The following COL26A1 variants were observed in gnomAD, a reference collection of about 807,000 sequenced individuals.
COL26A1 encodes collagen type XXVI alpha 1 chain.
A neutral mutation model predicts 59.3 loss-of-function variants in COL26A1; 41 were observed. The ratio of observed to expected loss-of-function variants is 0.69; its 90% confidence interval spans 0.54 to 0.90. The LOEUF is 0.90. Ranked by LOEUF, COL26A1 falls within the 40% of genes least tolerant of loss-of-function variation. The pLI is 0.00. For synonymous variants in COL26A1, 266 were observed against 256.0 expected (o/e 1.04, Z -0.37); for missense variants, 612 against 602.3 (o/e 1.02, Z -0.17).
At chr7:101,466,005 A>G (rs574527882) in intron 3 of COL26A1, among the ~76,000 whole-genome samples, 1 of 152,256 alleles carries the variant, frequency 6.6e-6, no homozygotes, top group Admixed American at 6.5e-5. Flanking sequence ...GCCCTGACTG[A>G]GATGACTCAG....
intron 4 of COL26A1, among the ~76,000 whole-genome samples, chr7:101,539,378 C>G (rs1199319605): frequency 2.0e-5 from 3 of 151,328 alleles, no homozygotes; most frequent in African/African-American, 4.9e-5. Flanking sequence ...TGGTCTCGAT[C>G]TGTCACCCAG....
intron 8 of COL26A1, among the ~76,000 whole-genome samples, chr7:101,548,189 G>C (rs1016790611): frequency 6.6e-6 from 1 of 152,162 alleles, no homozygotes; most frequent in Non-Finnish European, 1.5e-5. Context: ...TTGTCCCCTG[G>C]AGTGCCTGTC....
chr7:101,475,599 C>T (rs1448218768), intron 3 of COL26A1, among the ~76,000 whole-genome samples: 3 of 151,682 alleles, frequency 2.0e-5, no homozygotes, highest in South Asian at 2.1e-4. Context: ...ACGGGCTGGA[C>T]GCGAGTGTGT....
intron 7 of COL26A1, 82 bp from the exon 8 acceptor site, chr7:101,547,074 C>T (rs1795750992): frequency 2.2e-5 from 22 of 988,122 alleles, no homozygotes; most frequent in South Asian, 3.2e-5. Context: ...TGGCCTGGCT[C>T]AGGGCTCAGT....
chr7:101,493,932 CAA>C (rs35060753), intron 3 of COL26A1, among the ~76,000 whole-genome samples: 6,468 of 120,126 alleles, frequency 0.054, 477 homozygotes, highest in African/African-American at 0.17. Context: ...GACTCTGTCT[CAA>C]AAAAAAAAAA....
chr7:101,373,810 G>C (rs981450125), intron 1 of COL26A1, among the ~76,000 whole-genome samples: 1 of 152,108 alleles, frequency 6.6e-6, no homozygotes, highest in Non-Finnish European at 1.5e-5. Context: ...CAAGCTCCAG[G>C]ATTTTCTGAA....
At chr7:101,446,046 C>CAAAAAAAAAAAAAAAAAAAAAAAAAA (rs60343304) in intron 2 of COL26A1, among the ~76,000 whole-genome samples, 1 of 50,996 alleles carries the variant, frequency 2.0e-5, no homozygotes, top group Non-Finnish European at 3.8e-5. Flanking sequence ...GACTCCGTCT[C>CAAAAAAAAAAAAAAAAAAAAAAAAAA]AAAAAAAAAA....
At chr7:101,384,297 C>G (rs544428358) in intron 1 of COL26A1, among the ~76,000 whole-genome samples, 1 of 141,900 alleles carries the variant, frequency 7.0e-6, no homozygotes, top group Non-Finnish European at 1.5e-5. Flanking sequence ...AGTTCAATAG[C>G]GTCATCTCGG....
At position 101,544,105 on chromosome 7, in the gene COL26A1, AC is replaced by A. The variant is rs1255425800; in HGVS notation, c.703+15del. ...TCCAGCGGGGCCGCCTGGTAAGAAA[AC>A]CCCCCACATATGTGATGTTGTCAAC... On this transcript the variant is annotated intron_variant, in intron 6 of 12. Transcript: ENST00000313669. 6.3e-6 allele frequency: 10 copies of A among 1,586,104 alleles called. No homozygotes were observed. In the East Asian group the frequency reaches 1.1e-4, roughly 18 times the overall value.
intron 3 of COL26A1, among the ~76,000 whole-genome samples, chr7:101,481,264 C>T (rs1794148161): frequency 6.6e-6 from 1 of 152,036 alleles, no homozygotes; most frequent in African/African-American, 2.4e-5. Context: ...ACTGAAACAG[C>T]TAAGTTACTA....
chr7:101,556,262 G>A (rs1164189779), intron 12 of COL26A1, among the ~76,000 whole-genome samples: 1 of 152,230 alleles, frequency 6.6e-6, no homozygotes, highest in Non-Finnish European at 1.5e-5. Context: ...TGGTGACATA[G>A]GGGAGGCTTC....
intron 7 of COL26A1, among the ~76,000 whole-genome samples, chr7:101,546,617 G>C (rs1383925531): frequency 6.6e-6 from 1 of 152,068 alleles, no homozygotes; most frequent in African/African-American, 2.4e-5. Context: ...ATTGCCCTGG[G>C]GCCCTGGGTC....
intron 3 of COL26A1, among the ~76,000 whole-genome samples, chr7:101,461,978 C>G (rs753579261): frequency 2.7e-5 from 4 of 146,890 alleles, no homozygotes; most frequent in African/African-American, 1.0e-4. Context: ...GATGGATGGG[C>G]TGTCTATCCA....
At chr7:101,513,076 G>T (rs575542328) in intron 3 of COL26A1, among the ~76,000 whole-genome samples, 1 of 151,940 alleles carries the variant, frequency 6.6e-6, no homozygotes, top group East Asian at 1.9e-4. Flanking sequence ...GCATGATTTT[G>T]GCTCACTGCA....
intron 2 of COL26A1, among the ~76,000 whole-genome samples, chr7:101,424,050 T>G (rs1056081505): frequency 2.1e-4 from 32 of 150,792 alleles, no homozygotes; most frequent in African/African-American, 7.3e-4. Flanking sequence ...TTTACAAATT[T>G]TTTAAAAAAC....
At chr7:101,404,529 C>G (rs1337960659) in intron 1 of COL26A1, among the ~76,000 whole-genome samples, 2 of 152,112 alleles carry the variant, frequency 1.3e-5, no homozygotes, top group African/African-American at 4.8e-5. Flanking sequence ...GCCAGAAGTC[C>G]CAAAGACAAT....
At chr7:101,475,197 A>G (rs1421364910) in intron 3 of COL26A1, among the ~76,000 whole-genome samples, 2 of 151,442 alleles carry the variant, frequency 1.3e-5, no homozygotes, top group East Asian at 1.9e-4. Flanking sequence ...CTCTGTCTCA[A>G]ATAAAAAAGG....
chr7:101,485,715 A>C (rs763609164), intron 3 of COL26A1, among the ~76,000 whole-genome samples: 2 of 152,132 alleles, frequency 1.3e-5, no homozygotes, highest in African/African-American at 2.4e-5. Context: ...ACAGATGGAC[A>C]GTTCTGGCAA....
At chr7:101,552,234 A>G (rs1016314787) in intron 10 of COL26A1, among the ~76,000 whole-genome samples, 1 of 152,200 alleles carries the variant, frequency 6.6e-6, no homozygotes, top group African/African-American at 2.4e-5. Flanking sequence ...TACTGATCCC[A>G]TTTTACAGTT....
Sources: gnomAD v4.1 joint callset for allele counts (sites outside exome capture counted in the v4.1 genomes callset) on GRCh38, gnomAD v4.1.1 for gene constraint, MANE v1.5 for transcripts, NCBI Gene and HGNC (gene_info 2026-07-23, HGNC 2026-07-21) for gene names.